NRXN1: variants seen among roughly 807,000 people sequenced by gnomAD.
NRXN1 encodes neurexin-1.
A neutral mutation model predicts 150.9 loss-of-function variants in NRXN1; 39 were observed. The observed-to-expected ratio is 0.26, with a 90% CI of 0.20 to 0.34. The LOEUF is 0.34. Ranked by LOEUF, NRXN1 falls within the 10% of genes least tolerant of loss-of-function variation. NRXN1 has a pLI of 1.00. For missense variants in NRXN1, 1,815 were observed against 1,949.9 expected (o/e 0.93, Z 1.30); for synonymous variants, 924 against 757.0 (o/e 1.22, Z -3.62).
Position 50,484,855 on chromosome 2 carries a change from A to C in NRXN1, c.3070+11050T>G, listed in dbSNP as rs2090750394. Among the ~76,000 whole-genome samples, 17 of 150,186 alleles carry C rather than the reference A, an allele frequency of 1.1e-4. No individual in the cohort carries two copies. In the South Asian group the frequency reaches 3.7e-3, roughly 33 times the overall value. ...TTATACAATGTAGTAGAAAAGTAGA[A>C]GCTTGATTAAGATTTTTTATGGAAT... is the stretch of plus-strand genomic sequence containing the variant. On this transcript the variant is annotated intron_variant, in intron 15 of 22. Coordinates refer to ENST00000401669, the MANE Select transcript of NRXN1 (RefSeq NM_001330078.2).
intron 18 of NRXN1, among the ~76,000 whole-genome samples, chr2:50,132,587 G>A (rs1320946444): frequency 6.6e-6 from 1 of 152,070 alleles, no homozygotes; most frequent in African/African-American, 2.4e-5. Flanking sequence ...TTACAGGCAT[G>A]AGCCACCGCG....
intron 5 of NRXN1, among the ~76,000 whole-genome samples, chr2:50,877,011 T>G (rs983687512): frequency 6.6e-6 from 1 of 151,910 alleles, no homozygotes; most frequent in African/African-American, 2.4e-5. Flanking sequence ...CATTGGTAAT[T>G]GTTACACTTA....
At position 50,320,285 on chromosome 2, in the gene NRXN1, T is replaced by TACATAC. The variant is rs1558518798; in HGVS notation, c.3365-83316_3365-83315insGTATGT. ...TTCATTTATTCTTATACCTCAATCA[T>TACATAC]ATATATATATATATATATATATATA... On this transcript the variant is annotated intron_variant, in intron 17 of 22. Transcript: ENST00000401669. Among the ~76,000 whole-genome samples the TACATAC allele has an allele frequency of 2.3e-4, 13 of 57,668 alleles. 2 individuals are homozygous for TACATAC. The highest frequency in any genetic ancestry group is 6.2e-4 in the South Asian group (1 of 1,610). The allele number at this position is 57,668 out of a possible 152,430, so 37.8% of individuals were successfully genotyped here.
chr2:50,982,218 T>TA (rs888581346), intron 2 of NRXN1, among the ~76,000 whole-genome samples: 1 of 152,130 alleles, frequency 6.6e-6, no homozygotes, highest in African/African-American at 2.4e-5. Context: ...AATGATTAGC[T>TA]AAAAACATTA....
In NRXN1 at chr2:50,075,177, G is replaced by A. The variant is rs78947761; in HGVS notation, c.3718+16146C>T. The stretch of plus-strand genomic sequence containing the variant: ...TGTAAAATATCTGACCTCACAGAAG[G>A]ACTTTGAACCCTATTATACACCTTT... On this transcript the variant is annotated intron_variant, in intron 19 of 22. Coordinates refer to ENST00000401669, the MANE Select transcript of NRXN1 (RefSeq NM_001330078.2). Among the ~76,000 whole-genome samples, 546 of 152,292 alleles carry A rather than the reference G, an allele frequency of 3.6e-3. 3 individuals are homozygous for A. Among genetic ancestry groups the A allele is most frequent in the Non-Finnish European group, 6.2e-3 (421 of 68,022 alleles).
intron 17 of NRXN1, among the ~76,000 whole-genome samples, chr2:50,391,679 T>C (rs895887076): frequency 1.3e-5 from 2 of 152,174 alleles, no homozygotes; most frequent in African/African-American, 2.4e-5. Flanking sequence ...GGCTGGCTTT[T>C]AGCAAATGGA....
At chr2:50,635,248 C>T (rs895418466) in intron 5 of NRXN1, among the ~76,000 whole-genome samples, 1 of 152,066 alleles carries the variant, frequency 6.6e-6, no homozygotes, top group Middle Eastern at 3.4e-3. Flanking sequence ...ACCTCCACCT[C>T]CCGGGTTCAC....
intron 17 of NRXN1, among the ~76,000 whole-genome samples, chr2:50,433,298 G>T (rs186375938): frequency 1.3e-5 from 2 of 152,290 alleles, no homozygotes; most frequent in East Asian, 3.9e-4. Context: ...ATTATTTGCA[G>T]AGTCTTCTGA....
chr2:50,504,178 G>C (rs2092105267), intron 13 of NRXN1, among the ~76,000 whole-genome samples: 1 of 146,686 alleles, frequency 6.8e-6, no homozygotes, highest in African/African-American at 2.5e-5. Flanking sequence ...GCCCTAGACT[G>C]CGCACTGTGC....
intron 5 of NRXN1, among the ~76,000 whole-genome samples, chr2:50,713,293 G>A (rs971942557): frequency 6.1e-5 from 9 of 147,550 alleles, no homozygotes; most frequent in Non-Finnish European, 3.0e-5. Context: ...CAGCCTGAGT[G>A]ACAGAGTGAG....
chr2:50,186,020 C>T (rs563051908), intron 18 of NRXN1, among the ~76,000 whole-genome samples: 1 of 151,962 alleles, frequency 6.6e-6, no homozygotes, highest in African/African-American at 2.4e-5. Context: ...CAGTTAAATA[C>T]TGATTTATAA....
At chr2:50,598,534 ACT>A (rs1675629810) in intron 8 of NRXN1, among the ~76,000 whole-genome samples, 1 of 149,210 alleles carries the variant, frequency 6.7e-6, no homozygotes, top group African/African-American at 2.5e-5. Flanking sequence ...TGTAATCCTA[ACT>A]CTCCTATATA....
At chr2:50,739,696 G>A (rs936541834) in intron 5 of NRXN1, among the ~76,000 whole-genome samples, 1 of 152,050 alleles carries the variant, frequency 6.6e-6, no homozygotes, top group African/African-American at 2.4e-5. Flanking sequence ...AATGCACATA[G>A]CAGGAGGGGA....
intron 22 of NRXN1, among the ~76,000 whole-genome samples, chr2:49,934,493 C>T (rs1278374820): frequency 6.6e-6 from 1 of 152,148 alleles, no homozygotes; most frequent in Non-Finnish European, 1.5e-5. Context: ...CTTTATATTG[C>T]TGTCATGAGG....
intron 5 of NRXN1, among the ~76,000 whole-genome samples, chr2:50,693,974 G>A (rs1281765764): frequency 6.6e-6 from 1 of 151,930 alleles, no homozygotes; most frequent in Non-Finnish European, 1.5e-5. Context: ...TTTATTTTTT[G>A]TAGAAATAGG....
At chr2:50,300,063 CAG>C (rs1334853260) in intron 17 of NRXN1, among the ~76,000 whole-genome samples, 2 of 151,962 alleles carry the variant, frequency 1.3e-5, no homozygotes, top group Non-Finnish European at 2.9e-5. Context: ...AGGCAAGAAA[CAG>C]TGTTAATTTA....
chr2:50,818,258 T>C (rs1435941782), intron 5 of NRXN1, among the ~76,000 whole-genome samples: 5 of 151,700 alleles, frequency 3.3e-5, no homozygotes, highest in Non-Finnish European at 5.9e-5. Flanking sequence ...AATCTGCTGA[T>C]TGCTTTAGAT....
At chr2:50,445,521 T>C (rs1433790132) in intron 17 of NRXN1, among the ~76,000 whole-genome samples, 1 of 152,168 alleles carries the variant, frequency 6.6e-6, no homozygotes, top group African/African-American at 2.4e-5. Flanking sequence ...CCGCCTTTAT[T>C]ATCCTCCCAA....
At chr2:50,402,689 C>T (rs952760281) in intron 17 of NRXN1, among the ~76,000 whole-genome samples, 6 of 152,116 alleles carry the variant, frequency 3.9e-5, no homozygotes, top group Non-Finnish European at 5.9e-5. Context: ...TTTACATAGT[C>T]ATCATTGGCA....
Sources: gnomAD v4.1 joint callset for allele counts (sites outside exome capture counted in the v4.1 genomes callset) on GRCh38, gnomAD v4.1.1 for gene constraint, MANE v1.5 for transcripts, NCBI Gene and HGNC (gene_info 2026-07-23, HGNC 2026-07-21) for gene names.